The following SHISA6 variants were observed in gnomAD, a reference collection of about 807,000 sequenced individuals.
The protein encoded by SHISA6 is protein shisa-6.
In SHISA6, 22 loss-of-function variants were observed where a neutral mutation model predicts 47.9. That is an observed-to-expected ratio of 0.46 (90% CI 0.33 to 0.66). The LOEUF (loss-of-function observed/expected upper bound fraction) is 0.66, where lower values mean the gene tolerates loss of function less well. Among genes scored for constraint, SHISA6 ranks in the 30% least tolerant of loss-of-function variants. The pLI is 0.02. For synonymous variants in SHISA6, 388 were observed against 337.8 expected (o/e 1.15, Z -1.63); for missense variants, 680 against 764.6 (o/e 0.89, Z 1.30).
intron 3 of SHISA6, among the ~76,000 whole-genome samples, chr17:11,463,182 T>C: frequency 6.6e-6 from 1 of 152,216 alleles, no homozygotes; most frequent in East Asian, 1.9e-4. Context: ...CTAAGCTCCG[T>C]AAGCTTGTTT....
chr17:11,415,599 T>C (rs1204258907), intron 3 of SHISA6, among the ~76,000 whole-genome samples: 1 of 152,238 alleles, frequency 6.6e-6, no homozygotes, highest in East Asian at 1.9e-4. Context: ...CAGACGATTA[T>C]TGATAATTTT....
intron 2 of SHISA6, among the ~76,000 whole-genome samples, chr17:11,371,867 C>T (rs1912640502): frequency 6.6e-6 from 1 of 151,976 alleles, no homozygotes; most frequent in Non-Finnish European, 1.5e-5. Context: ...GCAAATGCCT[C>T]CCTCCCATCA....
chr17:11,526,002 T>C (rs2071676653), intron 3 of SHISA6, among the ~76,000 whole-genome samples: 1 of 128,050 alleles, frequency 7.8e-6, no homozygotes, highest in Non-Finnish European at 1.6e-5. Flanking sequence ...AGCGAGACCC[T>C]ATCTTAAAAA....
intron 2 of SHISA6, 93 bp downstream of exon 2, chr17:11,263,619 T>A (rs572310654): frequency 6.9e-7 from 1 of 1,459,506 alleles, no homozygotes; most frequent in East Asian, 2.5e-5. Context: ...TGGACCATGA[T>A]GGTGTGATGA....
At chr17:11,397,102 T>C (rs1032208037) in intron 3 of SHISA6, among the ~76,000 whole-genome samples, 4 of 152,220 alleles carry the variant, frequency 2.6e-5, no homozygotes, top group Non-Finnish European at 5.9e-5. Context: ...GTTTCATTTA[T>C]ATTTTAAAAT....
intron 4 of SHISA6, among the ~76,000 whole-genome samples, chr17:11,553,268 A>G (rs1397820607): frequency 1.3e-5 from 2 of 152,168 alleles, no homozygotes; most frequent in African/African-American, 4.8e-5. Context: ...CTACACTGAA[A>G]GAGAAGTGCA....
At chr17:11,358,738 T>C (rs1024415051) in intron 2 of SHISA6, among the ~76,000 whole-genome samples, 3 of 151,602 alleles carry the variant, frequency 2.0e-5, no homozygotes, top group Non-Finnish European at 4.4e-5. Context: ...GGGCATGATT[T>C]TGGCTCACTG....
chr17:11,382,212 A>G (rs1395761206), intron 3 of SHISA6, among the ~76,000 whole-genome samples: 3 of 152,058 alleles, frequency 2.0e-5, no homozygotes, highest in Non-Finnish European at 4.4e-5. Flanking sequence ...AGCTGGGACT[A>G]CAGGCGCATG....
intron 2 of SHISA6, among the ~76,000 whole-genome samples, chr17:11,301,230 G>A (rs1203174237): frequency 2.4e-4 from 36 of 152,074 alleles, no homozygotes; most frequent in Non-Finnish European, 8.8e-5. Context: ...GGGGTGGGGA[G>A]CATTGGACCC....
chr17:11,411,273 T>A (rs771608425), intron 3 of SHISA6, among the ~76,000 whole-genome samples: 2 of 150,254 alleles, frequency 1.3e-5, no homozygotes, highest in Non-Finnish European at 3.0e-5. Context: ...TGGCCTCAAT[T>A]CTGTCTATTC....
chr17:11,533,549 T>C (rs889550969), intron 3 of SHISA6, among the ~76,000 whole-genome samples: 23 of 151,900 alleles, frequency 1.5e-4, no homozygotes, highest in African/African-American at 5.3e-4. Context: ...TATAGCTGCA[T>C]TCAAGATTTA....
At chr17:11,524,599 C>T (rs753366075) in intron 3 of SHISA6, among the ~76,000 whole-genome samples, 6 of 151,432 alleles carry the variant, frequency 4.0e-5, no homozygotes, top group African/African-American at 7.3e-5. Flanking sequence ...CGGGTTCAAG[C>T]GATTTTCCTG....
intron 2 of SHISA6, among the ~76,000 whole-genome samples, chr17:11,333,625 A>G (rs1053817020): frequency 1.3e-5 from 2 of 151,954 alleles, no homozygotes; most frequent in Non-Finnish European, 2.9e-5. Context: ...AGTGATTCTC[A>G]TGCCTCAGCC....
intron 2 of SHISA6, among the ~76,000 whole-genome samples, chr17:11,305,487 GT>G (rs1306187798): frequency 3.3e-5 from 5 of 152,244 alleles, no homozygotes; most frequent in Non-Finnish European, 7.3e-5. Context: ...AGGTTGCATT[GT>G]CTGTGTCGCC....
At chr17:11,438,149 T>C (rs1368944562) in intron 3 of SHISA6, among the ~76,000 whole-genome samples, 3 of 152,216 alleles carry the variant, frequency 2.0e-5, no homozygotes, top group East Asian at 1.9e-4. Context: ...ACAGGACAGA[T>C]GCTTGGTACA....
At chr17:11,264,827 C>T (rs1383166878) in intron 2 of SHISA6, among the ~76,000 whole-genome samples, 1 of 152,146 alleles carries the variant, frequency 6.6e-6, no homozygotes, top group Non-Finnish European at 1.5e-5. Flanking sequence ...AAATAGCATT[C>T]TTAAATCTTT....
chr17:11,458,859 C>T (rs978462370), intron 3 of SHISA6, among the ~76,000 whole-genome samples: 2 of 152,106 alleles, frequency 1.3e-5, no homozygotes, highest in Non-Finnish European at 2.9e-5. Flanking sequence ...GGCATAATCC[C>T]GGCCTGTTCC....
chr17:11,267,385 G>A (rs1908465461), intron 2 of SHISA6, among the ~76,000 whole-genome samples: 1 of 152,118 alleles, frequency 6.6e-6, no homozygotes, highest in African/African-American at 2.4e-5. Flanking sequence ...GATCCTCAGA[G>A]GATTTGTACA....
At chr17:11,454,944 T>C (rs1351461079) in intron 3 of SHISA6, among the ~76,000 whole-genome samples, 3 of 151,836 alleles carry the variant, frequency 2.0e-5, no homozygotes, top group Non-Finnish European at 4.4e-5. Flanking sequence ...CCAAGGTGGG[T>C]GGATCACGAG....
Sources: allele counts gnomAD v4.1 joint callset (sites outside exome capture counted in the v4.1 genomes callset), GRCh38; gene constraint gnomAD v4.1.1; transcripts MANE v1.5; gene names NCBI Gene and HGNC (gene_info 2026-07-23, HGNC 2026-07-21).